LCN1: variants seen among roughly 807,000 people sequenced by gnomAD.
The protein encoded by LCN1 is lipocalin-1.
In LCN1, 25 loss-of-function variants were observed where a neutral mutation model predicts 22.3. The observed-to-expected ratio is 1.12, with a 90% CI of 0.82 to 1.56. LCN1 has a LOEUF of 1.56. Among genes scored for constraint, LCN1 ranks in the 40% most tolerant of loss-of-function variants. The probability of loss-of-function intolerance (pLI) is 0.00; values close to 1 mark genes in which losing one functional copy is unlikely to be tolerated. For missense variants in LCN1, 219 were observed against 235.6 expected, an observed-to-expected ratio of 0.93 and a Z score of 0.46; for synonymous variants, 85 against 97.6, an observed-to-expected ratio of 0.87 and a Z score of 0.76.
chr9:135,521,882 A>G (rs1167143536), intron 1 of LCN1, among the ~76,000 whole-genome samples, 165 bp from the exon 2 acceptor site: 4 of 151,434 alleles, frequency 2.6e-5, no homozygotes, highest in South Asian at 4.2e-4. Context: ...AGCCACCTTC[A>G]AGTGGGCCTG....
intron 3 of LCN1, 83 bp downstream of exon 3, chr9:135,523,385 C>A (rs1831549054): frequency 2.2e-6 from 3 of 1,356,102 alleles, no homozygotes; most frequent in Non-Finnish European, 3.0e-6. Context: ...TTGGGGTGGC[C>A]TTTTGGCCTG....
chr9:135,522,874 C>G (rs1212928588), intron 2 of LCN1, among the ~76,000 whole-genome samples: 1 of 152,156 alleles, frequency 6.6e-6, no homozygotes, highest in East Asian at 1.9e-4. Flanking sequence ...GCCTGAATGT[C>G]TCTAAAAGGA....
chr9:135,524,628 C>T (rs923186531), intron 4 of LCN1, among the ~76,000 whole-genome samples: 1 of 152,202 alleles, frequency 6.6e-6, no homozygotes, highest in African/African-American at 2.4e-5. Context: ...TTCCCGTTCT[C>T]CCGGTTCTGC....
chr9:135,523,153 G>C, intron 2 of LCN1, 79 bp from the exon 3 acceptor site: 1 of 1,325,958 alleles, frequency 7.5e-7, no homozygotes, highest in Non-Finnish European at 1.1e-6. Flanking sequence ...CACATTTGCA[G>C]GGCATTGCAG....
chr9:135,524,268 C>A (rs1465124612), intron 4 of LCN1, among the ~76,000 whole-genome samples: 5 of 152,180 alleles, frequency 3.3e-5, no homozygotes, highest in Non-Finnish European at 7.4e-5. Context: ...TGGGCCAGGC[C>A]CTCCCCCGGA....
At chr9:135,525,302 T>C (rs1415683888) in intron 6 of LCN1, 144 bp downstream of exon 6, 1 of 790,560 alleles carries the variant, frequency 1.3e-6, no homozygotes, top group Non-Finnish European at 2.0e-6. Context: ...GTGGGAGCTC[T>C]GCTCCTGAGC....
In LCN1 at chr9:135,524,949, G is replaced by A; in HGVS notation, c.505+18G>A. 6.3e-7 allele frequency: 1 copy of A among 1,599,872 alleles called. No individual in the cohort carries two copies. Among genetic ancestry groups the A allele is most frequent in the Non-Finnish European group, 8.5e-7 (1 of 1,172,322 alleles). On this transcript the variant is annotated intron_variant, in intron 5 of 6. Coordinates refer to ENST00000371781, the MANE Select transcript of LCN1 (RefSeq NM_002297.4). ...GCAGAGCGGTAGGAGGCATGGCCCT[G>A]CAGAGCCCCCCATGTCCCCGCGTGG...
Position 135,523,519 on chromosome 9 carries a change from G to A in LCN1, c.292+217G>A, listed in dbSNP as rs1472916378. 4.6e-5 allele frequency among the ~76,000 whole-genome samples: 7 copies of A among 152,350 alleles called. No individual in the cohort carries two copies. The South Asian group carries it at 8.3e-4, about 18-fold the overall frequency. On this transcript the variant is annotated intron_variant, in intron 3 of 6. Transcript: ENST00000371781. ...GGTGTGGCAGGTTTGTCCCGGGGCGGACCCTCTGGGCTTGCCCTGTAGCCC... is the reference window on the plus strand; with the variant it reads ...GGTGTGGCAGGTTTGTCCCGGGGCGAACCCTCTGGGCTTGCCCTGTAGCCC...
intron 6 of LCN1, among the ~76,000 whole-genome samples, chr9:135,526,079 A>G (rs1309801069): frequency 7.7e-5 from 1 of 13,030 alleles, no homozygotes; most frequent in Non-Finnish European, 1.3e-4. Context: ...TGCCCCCCAC[A>G]CCATGCCCCT....
At chr9:135,522,295 G>A in intron 2 of LCN1, 118 bp downstream of exon 2, 2 of 1,426,170 alleles carry the variant, frequency 1.4e-6, no homozygotes, top group Middle Eastern at 2.6e-4. Context: ...GCCTCTCTCG[G>A]CCCCTCCTGC....
Position 135,521,531 on chromosome 9 carries a change from C to T in LCN1, c.34C>T (p.Leu12Phe). The T allele has an allele frequency of 6.2e-7, 1 of 1,613,498 alleles. No individual in the cohort carries two copies. The highest frequency in any genetic ancestry group is 8.5e-7 in the Non-Finnish European group (1 of 1,179,980). Reference sequence around the variant, plus strand: ...CCTGCTCCTGGCCGTCAGCCTTGGCCTCATTGCTGCCCTGCAGGCCCACCA... The same window carrying T: ...CCTGCTCCTGGCCGTCAGCCTTGGCTTCATTGCTGCCCTGCAGGCCCACCA... ...KPLLLAVSLG[L>F]IAALQAHHLL... Residue 12 changes from leucine (L) to phenylalanine (F), a missense_variant, in exon 1 of 7, where the codon CTC becomes TTC. Coordinates refer to ENST00000371781, the MANE Select transcript of LCN1 (RefSeq NM_002297.4).
At chr9:135,524,427 C>T (rs1195741440) in intron 4 of LCN1, among the ~76,000 whole-genome samples, 3 of 152,194 alleles carry the variant, frequency 2.0e-5, no homozygotes, top group Non-Finnish European at 4.4e-5. Flanking sequence ...CAGATGGTGA[C>T]TCATCAGTGC....
intron 1 of LCN1, 34 bp from the exon 2 acceptor site, chr9:135,522,013 C>T (rs191919023): frequency 0.011 from 17,989 of 1,586,642 alleles, 123 homozygotes; most frequent in Non-Finnish European, 0.014. Context: ...CTGGAGCAGT[C>T]GGCCTGAGCC....
chr9:135,524,642 C>T (rs1831583641), intron 4 of LCN1, among the ~76,000 whole-genome samples, 188 bp from the exon 5 acceptor site: 1 of 152,164 alleles, frequency 6.6e-6, no homozygotes, highest in African/African-American at 2.4e-5. Context: ...GTTCTGCTGC[C>T]ACAGGAGCCT....
chr9:135,525,938 C>T (rs1255667016), intron 6 of LCN1, among the ~76,000 whole-genome samples: 1 of 146,728 alleles, frequency 6.8e-6, no homozygotes, highest in South Asian at 2.2e-4. Context: ...AGCACGTGCC[C>T]CCGCAACCAT....
intron 4 of LCN1, among the ~76,000 whole-genome samples, chr9:135,524,410 C>G (rs210088): frequency 1 from 152,245 of 152,282 alleles, 76,104 homozygotes; most frequent in Middle Eastern, 1. Flanking sequence ...GGACGCGGTG[C>G]CTCCCACAGA....
chr9:135,525,306 C>G, intron 6 of LCN1, 148 bp downstream of exon 6: 1 of 749,180 alleles, frequency 1.3e-6, no homozygotes, highest in Non-Finnish European at 2.2e-6. Flanking sequence ...GAGCTCTGCT[C>G]CTGAGCTGCC....
In LCN1 at chr9:135,524,810, T is replaced by C; in HGVS notation, c.404-20T>C. The C allele has an allele frequency of 6.3e-7, 1 of 1,580,716 alleles. No individual in the cohort carries two copies. The highest frequency in any genetic ancestry group is 2.4e-5 in the East Asian group (1 of 42,446). ...CCCAGTGCTGCCTCGAGCACCCACA[T>C]CTCGTCCTGGCACCCACAGGCAGAG... On this transcript the variant is annotated intron_variant, in intron 4 of 6. Coordinates refer to ENST00000371781, the MANE Select transcript of LCN1 (RefSeq NM_002297.4).
Position 135,526,453 on chromosome 9 carries a change from T to TGCAC in LCN1, c.*112_*115dup, listed in dbSNP as rs1831654916. 2 of 1,284,744 alleles carry TGCAC rather than the reference T, an allele frequency of 1.6e-6. No individual in the cohort carries two copies. The highest frequency in any genetic ancestry group is 1.0e-6 in the Non-Finnish European group (1 of 985,972). 79.6% of individuals were successfully genotyped at this position (1,284,744 alleles called of 1,614,324 possible). A position where few individuals can be genotyped will look rare whatever the true frequency, so the allele number is the denominator to read the frequency against. On this transcript the variant is annotated 3_prime_UTR_variant, in exon 7 of 7. Transcript: ENST00000371781. ...CCCACCCCTGCAGAACGCGGCTGGC[T>TGCAC]GCACCCCTTCCTACCACCCCCCGCC... is the stretch of plus-strand genomic sequence containing the variant.
Sources: allele counts gnomAD v4.1 joint callset (sites outside exome capture counted in the v4.1 genomes callset), GRCh38; gene constraint gnomAD v4.1.1; transcripts MANE v1.5; gene names NCBI Gene and HGNC (gene_info 2026-07-23, HGNC 2026-07-21).